The following ATRNL1 variants were observed in gnomAD, a reference collection of about 807,000 sequenced individuals.
ATRNL1 encodes the protein attractin-like protein 1.
ATRNL1 carries 95 observed loss-of-function variants against 182.7 expected under a neutral mutation model. The observed-to-expected ratio is 0.52, with a 90% CI of 0.44 to 0.62. The LOEUF (loss-of-function observed/expected upper bound fraction) is 0.62. ATRNL1 is among the 20% of genes least tolerant of loss of function. The pLI is 0.00. For synonymous variants in ATRNL1, 576 were observed against 568.3 expected (o/e 1.01, Z -0.19); for missense variants, 1,471 against 1,679.5 (o/e 0.88, Z 2.17).
At chr10:115,233,688 T>A (rs1286477861) in intron 9 of ATRNL1, among the ~76,000 whole-genome samples, 2 of 152,096 alleles carry the variant, frequency 1.3e-5, no homozygotes, top group Admixed American at 6.6e-5. Context: ...AAGGTCTCTT[T>A]TTTCCTGGTT....
chr10:115,254,477 G>A (rs1851026940), intron 10 of ATRNL1, among the ~76,000 whole-genome samples: 2 of 152,102 alleles, frequency 1.3e-5, no homozygotes, highest in Non-Finnish European at 2.9e-5. Flanking sequence ...ACTTTTTGAT[G>A]GGGTTGTTTG....
At chr10:115,925,981 A>T (rs1589703974) in intron 28 of ATRNL1, among the ~76,000 whole-genome samples, 1 of 152,324 alleles carries the variant, frequency 6.6e-6, no homozygotes, top group Non-Finnish European at 1.5e-5. Flanking sequence ...GCCACATGGC[A>T]CTTATTCTAA....
At chr10:115,620,620 G>A (rs964564766) in intron 26 of ATRNL1, among the ~76,000 whole-genome samples, 12 of 152,110 alleles carry the variant, frequency 7.9e-5, no homozygotes, top group African/African-American at 2.7e-4. Flanking sequence ...TTTACTCAAA[G>A]CATGTGAACT....
At chr10:115,411,335 T>C (rs1311843961) in intron 20 of ATRNL1, among the ~76,000 whole-genome samples, 1 of 151,588 alleles carries the variant, frequency 6.6e-6, no homozygotes, top group Non-Finnish European at 1.5e-5. Context: ...CTTATAAATG[T>C]AGAATTATTT....
chr10:115,583,830 G>T (rs1555008730), intron 26 of ATRNL1, among the ~76,000 whole-genome samples: 1 of 150,354 alleles, frequency 6.7e-6, no homozygotes, highest in African/African-American at 2.4e-5. Flanking sequence ...TCTTGTGCCA[G>T]TTTTCAAAGG....
At chr10:115,461,548 G>GA (rs141366188) in intron 21 of ATRNL1, among the ~76,000 whole-genome samples, 2,169 of 152,086 alleles carry the variant, frequency 0.014, 29 homozygotes, top group East Asian at 0.056. Flanking sequence ...AAAGTTTTAT[G>GA]AAAATGTCTA....
At chr10:115,688,746 C>T (rs1344043874) in intron 26 of ATRNL1, among the ~76,000 whole-genome samples, 1 of 151,890 alleles carries the variant, frequency 6.6e-6, no homozygotes, top group African/African-American at 2.4e-5. Flanking sequence ...CAATATTTTC[C>T]CCATTCAGGG....
intron 17 of ATRNL1, among the ~76,000 whole-genome samples, chr10:115,310,140 T>C (rs1403781046): frequency 6.6e-6 from 1 of 152,222 alleles, no homozygotes; most frequent in Non-Finnish European, 1.5e-5. Context: ...ATTCATTTTA[T>C]ATGATGAATC....
At chr10:115,338,184 C>T (rs1245131572) in intron 19 of ATRNL1, among the ~76,000 whole-genome samples, 1 of 152,140 alleles carries the variant, frequency 6.6e-6, no homozygotes, top group Admixed American at 6.5e-5. Context: ...CTATTGTAAA[C>T]ATTGTTGCAA....
At chr10:115,127,563 C>T in intron 3 of ATRNL1, 30 bp from the exon 4 acceptor site, 1 of 1,571,990 alleles carries the variant, frequency 6.4e-7, no homozygotes. Context: ...TATATCTATA[C>T]ATACAATATT....
intron 25 of ATRNL1, among the ~76,000 whole-genome samples, chr10:115,533,688 G>A (rs1414546713): frequency 6.6e-6 from 1 of 150,438 alleles, no homozygotes; most frequent in Non-Finnish European, 1.5e-5. Flanking sequence ...TCTTTTAATT[G>A]TGATGTTAGG....
chr10:115,257,148 T>C (rs1438074594), intron 10 of ATRNL1, among the ~76,000 whole-genome samples: 2 of 152,150 alleles, frequency 1.3e-5, no homozygotes, highest in East Asian at 3.8e-4. Flanking sequence ...CTTTTAGGTT[T>C]GCTTGTTGCA....
intron 22 of ATRNL1, among the ~76,000 whole-genome samples, chr10:115,465,875 A>C (rs1362280759): frequency 6.6e-6 from 1 of 151,506 alleles, no homozygotes; most frequent in African/African-American, 2.4e-5. Flanking sequence ...TTGAAATCTT[A>C]TTTGCCTCCT....
At chr10:115,103,518 G>A (rs535736476) in intron 1 of ATRNL1, among the ~76,000 whole-genome samples, 13 of 152,072 alleles carry the variant, frequency 8.5e-5, no homozygotes, top group African/African-American at 3.1e-4. Context: ...TTACGTTATA[G>A]GTGTATATAT....
intron 26 of ATRNL1, among the ~76,000 whole-genome samples, chr10:115,566,627 G>A (rs1321025302): frequency 1.3e-5 from 2 of 152,120 alleles, no homozygotes; most frequent in Non-Finnish European, 2.9e-5. Flanking sequence ...GAGTATGTAA[G>A]AAAGCTAAAT....
intron 19 of ATRNL1, among the ~76,000 whole-genome samples, chr10:115,378,395 G>A (rs1554950127): frequency 6.6e-6 from 1 of 152,154 alleles, no homozygotes; most frequent in Non-Finnish European, 1.5e-5. Context: ...TTCTACTGTG[G>A]AACTAAAGTT....
In ATRNL1 at chr10:115,394,699, C is replaced by T; in HGVS notation, c.3216C>T (p.His1072=). ...CSGHANICHL[H]TGKCFCTTKG... is the part of the protein sequence containing the mutation. ...GCCATGCAAATATCTGTCATCTGCA[C>T]ACAGGAAAATGTTTCTGCACAACTA... The change falls in exon 20 of 29, where the codon CAC becomes CAT. Residue 1072 remains histidine (H), a synonymous_variant. Transcript: ENST00000355044. The T allele has an allele frequency of 1.2e-6, 2 of 1,611,194 alleles. No individual in the cohort carries two copies. The highest frequency in any genetic ancestry group is 2.7e-5 in the African/African-American group (2 of 74,866).
At chr10:115,326,882 TG>T (rs1307589704) in intron 18 of ATRNL1, among the ~76,000 whole-genome samples, 2 of 152,206 alleles carry the variant, frequency 1.3e-5, no homozygotes, top group East Asian at 3.8e-4. Flanking sequence ...GCTAGCCATA[TG>T]TAGAAAGCTG....
intron 26 of ATRNL1, among the ~76,000 whole-genome samples, chr10:115,715,874 A>G (rs1330165684): frequency 6.6e-6 from 1 of 152,230 alleles, no homozygotes; most frequent in Non-Finnish European, 1.5e-5. Flanking sequence ...CTGCTTTAAT[A>G]GGAACATTGG....
Sources: gnomAD v4.1 joint callset for allele counts (sites outside exome capture counted in the v4.1 genomes callset) on GRCh38, gnomAD v4.1.1 for gene constraint, MANE v1.5 for transcripts, NCBI Gene and HGNC (gene_info 2026-07-23, HGNC 2026-07-21) for gene names.